The following DPH1 variants were observed in gnomAD, a reference collection of about 807,000 sequenced individuals.
DPH1 encodes 2-(3-amino-3-carboxypropyl)histidine synthase subunit 1.
In DPH1, 59 loss-of-function variants were observed where a neutral mutation model predicts 55.3. The observed-to-expected ratio is 1.07, with a 90% CI of 0.87 to 1.33. The LOEUF (loss-of-function observed/expected upper bound fraction) is 1.33, where lower values mean the gene tolerates loss of function less well. DPH1 is among the 40% of genes most tolerant of loss of function. The pLI is 0.00. For synonymous variants in DPH1, 238 were observed against 235.5 expected (o/e 1.01, Z -0.10); for missense variants, 628 against 584.8 (o/e 1.07, Z -0.76).
At position 2,030,241 on chromosome 17, in the gene DPH1, G is replaced by C; in HGVS notation, c.61+11G>C. 1 of 1,570,574 alleles carries C rather than the reference G, an allele frequency of 6.4e-7. No homozygotes were observed. The highest frequency in any genetic ancestry group is 1.3e-5 in the African/African-American group (1 of 74,512). ...ACGGCCCTGGCAGAGGTGGGTGCTG[G>C]AACGCTGCGCCCTCCAGACCTCGCA... On this transcript the variant is annotated intron_variant, in intron 1 of 12. Transcript: ENST00000263083.
chr17:2,041,294 CTG>C, intron 10 of DPH1, 113 bp downstream of exon 10: 1 of 1,473,560 alleles, frequency 6.8e-7, no homozygotes. Flanking sequence ...ATTCCGGAGT[CTG>C]TCTCGATTTC....
chr17:2,041,925 A>G, intron 12 of DPH1, 50 bp downstream of exon 12: 3 of 1,536,992 alleles, frequency 2.0e-6, no homozygotes, highest in Non-Finnish European at 2.6e-6. Context: ...TTGTCATGGG[A>G]ACGCCTTGGC....
chr17:2,038,696 T>C (rs940641983), intron 6 of DPH1, among the ~76,000 whole-genome samples: 4 of 152,222 alleles, frequency 2.6e-5, no homozygotes, highest in Admixed American at 2.6e-4. Context: ...ATCCCACCCG[T>C]GTCTTCCACA....
In DPH1 at chr17:2,033,531, A is replaced by T. The variant is rs762456641; in HGVS notation, c.88A>T (p.Asn30Tyr). 3.1e-6 allele frequency: 5 copies of T among 1,614,192 alleles called. No homozygotes were observed. In the South Asian group the frequency reaches 5.5e-5, roughly 18 times the overall value. ...RGRAPRGRVA[N>Y]QIPPEILKNP... is the part of the protein sequence containing the mutation. Reference sequence around the variant, plus strand: ...TCGGGCCCCTCGGGGCCGCGTGGCCAATCAGATCCCCCCTGAGATCCTGAA... The same window carrying T: ...TCGGGCCCCTCGGGGCCGCGTGGCCTATCAGATCCCCCCTGAGATCCTGAA... The change falls in exon 2 of 13, where the codon AAT becomes TAT. Residue 30 changes from asparagine to tyrosine, a missense_variant. Asn to Tyr is a moderately radical substitution (Grantham distance 143). Coordinates refer to ENST00000263083, the MANE Select transcript of DPH1 (RefSeq NM_001383.6).
rs991456903 is a variant in DPH1, at chr17:2,043,339, T to C, written c.*753T>C. On this transcript the variant is annotated 3_prime_UTR_variant, in exon 13 of 13. Transcript: ENST00000263083. ...TGTGAAAACGCAAACATGAATATGG[T>C]TGGAGAGCCCTGGATTAGGAGGGTG... The C allele has an allele frequency of 3.8e-6, 2 of 527,748 alleles. No homozygotes were observed. Among genetic ancestry groups the C allele is most frequent in the East Asian group, 3.1e-5 (1 of 31,992 alleles). The allele number at this position is 527,748 out of a possible 1,614,324, so 32.7% of individuals were successfully genotyped here.
intron 12 of DPH1, 36 bp from the exon 13 acceptor site, chr17:2,042,569 G>T: frequency 6.7e-7 from 1 of 1,495,500 alleles, no homozygotes; most frequent in Non-Finnish European, 8.9e-7. Flanking sequence ...AGCCTCCCAT[G>T]CCCTAATCCC....
chr17:2,031,565 CAAAAAAAAAAAA>C (rs56410346), intron 1 of DPH1, among the ~76,000 whole-genome samples: 1 of 69,660 alleles, frequency 1.4e-5, no homozygotes, highest in African/African-American at 5.7e-5. Flanking sequence ...GACTCTGTCT[CAAAAAAAAAAAA>C]AAAAAAAAAA....
intron 1 of DPH1, among the ~76,000 whole-genome samples, chr17:2,031,545 G>T (rs1479094346): frequency 1.7e-5 from 2 of 115,330 alleles, no homozygotes; most frequent in Non-Finnish European, 3.3e-5. Context: ...CTGGCCAACA[G>T]ACAGAGTGAG....
intron 11 of DPH1, 56 bp downstream of exon 11, chr17:2,041,677 C>T (rs1405819925): frequency 1.3e-6 from 2 of 1,579,038 alleles, no homozygotes; most frequent in Non-Finnish European, 1.7e-6. Flanking sequence ...TGGCCGCCGC[C>T]CTGCGACCGC....
intron 12 of DPH1, chr17:2,042,363 G>A: frequency 1.5e-6 from 2 of 1,326,462 alleles, no homozygotes; most frequent in Non-Finnish European, 2.0e-6. Context: ...TTCATTTCTC[G>A]CGACCCATAC....
In DPH1 at chr17:2,041,779, G is replaced by A. The variant is rs2067530860; in HGVS notation, c.1239G>A (p.Gly413=). The part of the protein sequence containing the change: ...GRPARGKVQE[G]SARPPSAVAC... ...GTCTGCGACCTCAGGTGCAGGAGGG[G>A]TCCGCGCGTCCCCCTTCGGCCGTGG... Residue 413 remains glycine (G), a synonymous_variant, in exon 12 of 13, where the codon GGG becomes GGA. Coordinates refer to ENST00000263083, the MANE Select transcript of DPH1 (RefSeq NM_001383.6). 2.5e-6 allele frequency: 4 copies of A among 1,605,440 alleles called. No homozygotes were observed. The highest frequency in any genetic ancestry group is 3.4e-6 in the Non-Finnish European group (4 of 1,176,612).
chr17:2,037,678 A>G (rs2067447466), intron 6 of DPH1, among the ~76,000 whole-genome samples: 1 of 152,220 alleles, frequency 6.6e-6, no homozygotes, highest in Non-Finnish European at 1.5e-5. Flanking sequence ...AGTGTTAGCC[A>G]TTCATCAGAA....
chr17:2,040,495 C>G lies in DPH1; in HGVS notation c.907-10C>G. 1 of 1,614,186 alleles carries G rather than the reference C, an allele frequency of 6.2e-7. No homozygotes were observed. Among genetic ancestry groups the G allele is most frequent in the Non-Finnish European group, 8.5e-7 (1 of 1,180,038 alleles). On this transcript the variant is annotated splice_polypyrimidine_tract_variant and intron_variant, in intron 8 of 12. Transcript: ENST00000263083. ...CAGGTGACCCCCACCCTGCCTCCCT[C>G]TCCCAACAGCACCTGGAATCTCGAC...
At position 2,033,612 on chromosome 17, in the gene DPH1, A is replaced by G. The variant is rs746410604; in HGVS notation, c.169A>G (p.Ile57Val). 6.2e-7 allele frequency: 1 copy of G among 1,614,224 alleles called. No homozygotes were observed. The highest frequency in any genetic ancestry group is 1.1e-5 in the South Asian group (1 of 91,084). The change falls in exon 2 of 13, where the codon ATC becomes GTC. Residue 57 changes from isoleucine (I) to valine (V), a missense_variant. By Grantham distance (29) the Ile-to-Val change is conservative. Coordinates refer to ENST00000263083, the MANE Select transcript of DPH1 (RefSeq NM_001383.6). ...RVLPSNYNFE[I>V]PKTIWRIQQA... ...CCTGCCTTCCAACTACAACTTTGAG[A>G]TCCCCAAGACCATCTGGAGGATCCA...
chr17:2,041,179 G>A lies in DPH1; in HGVS notation c.1084G>A (p.Glu362Lys), dbSNP rs779223248. 4 of 1,603,704 alleles carry A rather than the reference G, an allele frequency of 2.5e-6. No homozygotes were observed. Among genetic ancestry groups the A allele is most frequent in the Non-Finnish European group, 2.6e-6 (3 of 1,174,852 alleles). ...CCCCAAGCCGCTGCTGACACCCTAT[G>A]AGGTAACACCAAGCTCTGGGAGAGA... is the stretch of plus-strand genomic sequence containing the variant. Reference protein sequence around the residue: ...AFPKPLLTPYEAAVALRDISW... With the variant: ...AFPKPLLTPYKAAVALRDISW... The change falls in exon 10 of 13, where the codon GAG becomes AAG. Residue 362 changes from glutamate (E) to lysine (K), a missense_variant and splice_region_variant. Physicochemically the swap from Glu to Lys is moderately conservative, Grantham distance 56 (BLOSUM62 1). Transcript: ENST00000263083.
Position 2,036,106 on chromosome 17 carries a change from G to C in DPH1, c.400+15G>C, listed in dbSNP as rs1229214678. ...CAGTTGCCTGAGTATGGTGGGGCCA[G>C]GACACCTGGACGGTGGCGGGGCTGG... On this transcript the variant is annotated intron_variant, in intron 4 of 12. Coordinates refer to ENST00000263083, the MANE Select transcript of DPH1 (RefSeq NM_001383.6). This position sits in a 1 kb window ranked among gnomAD's most constrained non-coding sequence, Gnocchi z 4.8. 1 of 1,613,070 alleles carries C rather than the reference G, an allele frequency of 6.2e-7. No homozygotes were observed. The highest frequency in any genetic ancestry group is 1.1e-5 in the South Asian group (1 of 91,066).
chr17:2,035,455 GTAGTGGGGGTCC>G (rs1306350419), intron 3 of DPH1, among the ~76,000 whole-genome samples: 1 of 33,522 alleles, frequency 3.0e-5, no homozygotes, highest in Non-Finnish European at 6.8e-5. Flanking sequence ...TGGTGGGGAG[GTAGTGGGGGTCC>G]GGGTGAGGGG....
chr17:2,040,361 C>G lies in DPH1; in HGVS notation c.893C>G (p.Pro298Arg). 1 of 1,613,964 alleles carries G rather than the reference C, an allele frequency of 6.2e-7. No homozygotes were observed. Among genetic ancestry groups the G allele is most frequent in the South Asian group, 1.1e-5 (1 of 91,090 alleles). Reference sequence around the variant, plus strand: ...GGCACTTTGGGCCGCCAGGGCAGTCCTAAGATCCTGGAGGTCAGTGGGCTC... The same window carrying G: ...GGCACTTTGGGCCGCCAGGGCAGTCGTAAGATCCTGGAGGTCAGTGGGCTC... ...ILGTLGRQGSPKILEHLESRL... is the reference protein window; with the variant it reads ...ILGTLGRQGSRKILEHLESRL... Residue 298 changes from proline to arginine, a missense_variant, in exon 8 of 13, where the codon CCT becomes CGT. By Grantham distance (103) the Pro-to-Arg change is moderately radical. Coordinates refer to ENST00000263083, the MANE Select transcript of DPH1 (RefSeq NM_001383.6).
intron 9 of DPH1, chr17:2,040,871 TG>T (rs1597287197): frequency 1.6e-6 from 1 of 631,472 alleles, no homozygotes; most frequent in Non-Finnish European, 2.8e-6. Flanking sequence ...AATGTGGTTC[TG>T]GGGATACTAT....
Sources: gnomAD v4.1 joint callset for allele counts (sites outside exome capture counted in the v4.1 genomes callset) on GRCh38, gnomAD v4.1.1 for gene constraint, Gnocchi (gnomAD v3.1) non-coding constraint, MANE v1.5 for transcripts, NCBI Gene and HGNC (gene_info 2026-07-23, HGNC 2026-07-21) for gene names.